The following SOS2 variants were observed in gnomAD, a reference collection of about 807,000 sequenced individuals.
SOS2 encodes the protein son of sevenless homolog 2.
SOS2 carries 65 observed loss-of-function variants against 148.2 expected under a neutral mutation model. The ratio of observed to expected loss-of-function variants is 0.44; its 90% CI spans 0.36 to 0.54. The LOEUF is 0.54. Ranked by LOEUF, SOS2 falls within the 20% of genes least tolerant of loss-of-function variation. The pLI, the probability that SOS2 is intolerant of heterozygous loss-of-function variation, is 0.00. For missense variants in SOS2, 1,341 were observed against 1,590.2 expected (o/e 0.84, Z 2.67); for synonymous variants, 539 against 537.1 (o/e 1.00, Z -0.05).
chr14:50,128,579 T>C (rs767388493), intron 21 of SOS2, among the ~76,000 whole-genome samples: 32 of 152,116 alleles, frequency 2.1e-4, no homozygotes, highest in Non-Finnish European at 4.0e-4. Flanking sequence ...TCATCCACCA[T>C]AAGAGGAGAT....
chr14:50,127,579 A>T (rs1471246106), intron 21 of SOS2, among the ~76,000 whole-genome samples: 1 of 152,232 alleles, frequency 6.6e-6, no homozygotes, highest in Non-Finnish European at 1.5e-5. Context: ...TTAGCTGGAA[A>T]ACCCAGTGGA....
At chr14:50,215,225 T>G in intron 1 of SOS2, 1 of 378,004 alleles carries the variant, frequency 2.6e-6, no homozygotes, top group Non-Finnish European at 4.6e-6. Context: ...AATGTCTAAC[T>G]GGGATGGATT....
At position 50,153,393 on chromosome 14, in the gene SOS2, ATATT is replaced by A. The variant is rs200272606; in HGVS notation, c.2058-224_2058-221del. ...TATTAATAAAATGTATACTTTTAAA[ATATT>A]TATAAGCATAAAAATAGTGGTTTCT... On this transcript the variant is annotated intron_variant, in intron 12 of 22. Transcript: ENST00000216373. 0.025 allele frequency among the ~76,000 whole-genome samples: 3,697 copies of A among 149,700 alleles called. 143 individuals carry two copies. The highest frequency in any genetic ancestry group is 0.088 in the African/African-American group (3,433 of 39,102).
intron 1 of SOS2, among the ~76,000 whole-genome samples, chr14:50,226,789 A>G (rs571286933): frequency 1.3e-5 from 2 of 152,224 alleles, no homozygotes; most frequent in African/African-American, 4.8e-5. Flanking sequence ...AATATCAGGG[A>G]CTGTAAAATC....
chr14:50,224,274 G>C (rs1271584832), intron 1 of SOS2, among the ~76,000 whole-genome samples: 2 of 136,590 alleles, frequency 1.5e-5, no homozygotes, highest in Non-Finnish European at 1.5e-5. Context: ...CTGGGTGACA[G>C]AGCAAGACTC....
chr14:50,167,625 T>C (rs1375035124), intron 8 of SOS2, among the ~76,000 whole-genome samples: 2 of 151,976 alleles, frequency 1.3e-5, no homozygotes, highest in Non-Finnish European at 2.9e-5. Flanking sequence ...TCCCAGCACT[T>C]TGGGAGGCTG....
At chr14:50,152,356 C>G (rs1594975299) in intron 13 of SOS2, among the ~76,000 whole-genome samples, 1 of 151,718 alleles carries the variant, frequency 6.6e-6, no homozygotes, top group African/African-American at 2.4e-5. Flanking sequence ...AGAAATATAC[C>G]AAAAACATTT....
intron 18 of SOS2, 22 bp downstream of exon 18, chr14:50,138,590 G>T: frequency 3.1e-6 from 4 of 1,309,504 alleles, no homozygotes; most frequent in Non-Finnish European, 4.1e-6. Context: ...CTCTTCTAAA[G>T]ATATGCAAAG....
intron 1 of SOS2, among the ~76,000 whole-genome samples, chr14:50,230,277 T>A (rs1251346799): frequency 6.6e-6 from 1 of 152,192 alleles, no homozygotes; most frequent in East Asian, 1.9e-4. Context: ...TTCTTGGTTA[T>A]TTTGCACAAA....
In SOS2 at chr14:50,133,242, C is replaced by CTTTTTTTTTTTTTTTTTTTTTTTTT. The variant is rs753590435; in HGVS notation, c.3075+880_3075+881insAAAAAAAAAAAAAAAAAAAAAAAAA. Among the ~76,000 whole-genome samples, 6 of 78,816 alleles carry CTTTTTTTTTTTTTTTTTTTTTTTTT rather than the reference C, an allele frequency of 7.6e-5. 1 individual carries two copies. Among genetic ancestry groups the CTTTTTTTTTTTTTTTTTTTTTTTTT allele is most frequent in the African/African-American group, 1.9e-4 (4 of 21,326 alleles). The allele number at this position is 78,816 out of a possible 152,430, so 51.7% of individuals were successfully genotyped here. A position where few individuals can be genotyped will look rare whatever the true frequency, so the allele number is the denominator to read the frequency against. On this transcript the variant is annotated intron_variant, in intron 19 of 22. Transcript: ENST00000216373. ...TTTCCATGAACTTTTTTTCTTTTTTCTTTTTTCTTTTTTTTTTTTTTTGAG... is the reference window on the plus strand; with the variant it reads ...TTTCCATGAACTTTTTTTCTTTTTTCTTTTTTTTTTTTTTTTTTTTTTTTTTTTTTTCTTTTTTTTTTTTTTTGAG...
chr14:50,174,430 T>A, intron 8 of SOS2, 24 bp downstream of exon 8: 1 of 1,342,440 alleles, frequency 7.4e-7, no homozygotes, highest in Non-Finnish European at 1.0e-6. Flanking sequence ...ATAAGTACTT[T>A]GAGATTCTGT....
At position 50,150,228 on chromosome 14, in the gene SOS2, T is replaced by C; in HGVS notation, c.2164A>G (p.Lys722Glu). 1 of 1,596,164 alleles carries C rather than the reference T, an allele frequency of 6.3e-7. No homozygotes were observed. The highest frequency in any genetic ancestry group is 8.6e-7 in the Non-Finnish European group (1 of 1,164,206). ...LESFISSVRGKAMKKWVESIA... is the reference protein window; with the variant it reads ...LESFISSVRGEAMKKWVESIA... ...GACTCTACCCATTTTTTCATAGCTTTCCCTGGAAAAAGAACACATAAAGAA... is the reference window on the plus strand; with the variant it reads ...GACTCTACCCATTTTTTCATAGCTTCCCCTGGAAAAAGAACACATAAAGAA... Residue 722 changes from lysine (K) to glutamate (E), a missense_variant and splice_region_variant, in exon 14 of 23, where the codon AAA becomes GAA. This residue lies in a region of SOS2 where 408 missense variants were observed against 506.6 expected (regional missense o/e 0.81). Coordinates refer to ENST00000216373, the MANE Select transcript of SOS2 (RefSeq NM_006939.4).
rs1435125923 is a variant in SOS2 at position 50,160,511 on chromosome 14, C to T, written c.1197-425G>A. ...AAGTGATTCTCCTGCCTCAGCCTCC[C>T]GAGTAGCTGGGATTACAGGTGCCTG... is the stretch of plus-strand genomic sequence containing the variant. On this transcript the variant is annotated intron_variant, in intron 9 of 22. Coordinates refer to ENST00000216373, the MANE Select transcript of SOS2 (RefSeq NM_006939.4). 2.7e-5 allele frequency among the ~76,000 whole-genome samples: 4 copies of T among 149,898 alleles called. No individual in the cohort carries two copies. In the South Asian group the frequency reaches 8.4e-4, roughly 32 times the overall value.
At chr14:50,180,532 T>TAAAAAAAAA (rs748956316) in intron 7 of SOS2, 40 bp downstream of exon 7, 2 of 466,662 alleles carry the variant, frequency 4.3e-6, no homozygotes, top group Non-Finnish European at 6.5e-6. Flanking sequence ...ATTTGCTTTA[T>TAAAAAAAAA]TAAAAAAAAA....
chr14:50,215,716 A>G (rs957897765), intron 1 of SOS2, among the ~76,000 whole-genome samples: 1 of 146,332 alleles, frequency 6.8e-6, no homozygotes, highest in Non-Finnish European at 1.5e-5. Context: ...CCTAAAACTT[A>G]AAGTATAATA....
intron 18 of SOS2, among the ~76,000 whole-genome samples, chr14:50,135,592 T>G (rs1884050027): frequency 6.8e-6 from 1 of 147,918 alleles, no homozygotes; most frequent in South Asian, 2.1e-4. Context: ...GGATATCAAT[T>G]TTAATCTTTC....
At position 50,139,991 on chromosome 14, in the gene SOS2, T is replaced by C; in HGVS notation, c.2736A>G (p.Lys912=). 6.2e-7 allele frequency: 1 copy of C among 1,608,946 alleles called. No homozygotes were observed. The highest frequency in any genetic ancestry group is 8.5e-7 in the Non-Finnish European group (1 of 1,176,208). Residue 912 remains lysine (K), a synonymous_variant, in exon 17 of 23, where the codon AAA becomes AAG. Coordinates refer to ENST00000216373, the MANE Select transcript of SOS2 (RefSeq NM_006939.4). ...AVELSQDHFK[K]YLVKLKSINP... is the part of the protein sequence containing the mutation. ...TGATTGACTTAAGTTTTACTAGGTA[T>C]TTTTTAAAGTGATCTTGACTTAATT...
rs1031523264 is a variant in SOS2, at chr14:50,172,867, A to G, written c.1068+1587T>C. Reference sequence around the variant, plus strand: ...TGAAAGATGGAGATTTTCTGGTGACAATCCATTCATTTCTCTCTATTACTG... The same window carrying G: ...TGAAAGATGGAGATTTTCTGGTGACGATCCATTCATTTCTCTCTATTACTG... On this transcript the variant is annotated intron_variant, in intron 8 of 22. Coordinates refer to ENST00000216373, the MANE Select transcript of SOS2 (RefSeq NM_006939.4). Among the ~76,000 whole-genome samples the G allele has an allele frequency of 1.2e-4, 18 of 152,294 alleles. No individual in the cohort carries two copies. The South Asian group carries it at 1.2e-3, about 11-fold the overall frequency.
intron 1 of SOS2, among the ~76,000 whole-genome samples, chr14:50,229,705 T>C (rs1887483320): frequency 1.3e-5 from 2 of 152,208 alleles, no homozygotes; most frequent in East Asian, 1.9e-4. Context: ...GAATCAAAGC[T>C]ACCTATTGAA....
Sources: gnomAD v4.1 joint callset for allele counts (sites outside exome capture counted in the v4.1 genomes callset) on GRCh38, gnomAD v4.1.1 for gene constraint, gnomAD v4.1.1 regional missense constraint, MANE v1.5 for transcripts, NCBI Gene and HGNC (gene_info 2026-07-23, HGNC 2026-07-21) for gene names.